Variants in NOCT observed in about 807,000 individuals in gnomAD.
The protein encoded by NOCT is nocturnin.
NOCT carries 18 observed loss-of-function variants against 35.0 expected under a neutral mutation model. That is an observed-to-expected ratio of 0.51 (90% confidence interval 0.36 to 0.76). NOCT has a LOEUF of 0.76. NOCT is among the 30% of genes least tolerant of loss of function. The pLI, the probability that NOCT is intolerant of heterozygous loss-of-function variation, is 0.01. For missense variants in NOCT, 479 were observed against 541.0 expected (o/e 0.89, Z 1.14); for synonymous variants, 235 against 226.3 (o/e 1.04, Z -0.34).
At chr4:139,042,185 A>T (rs58581769) in intron 1 of NOCT, among the ~76,000 whole-genome samples, 15,630 of 147,564 alleles carry the variant, frequency 0.11, 1,576 homozygotes, top group East Asian at 0.46. Context: ...CGCCTGCCTC[A>T]GCCTCCTGAG....
chr4:139,042,428 C>CT (rs1406908302), intron 1 of NOCT, among the ~76,000 whole-genome samples: 5 of 152,036 alleles, frequency 3.3e-5, no homozygotes, highest in Non-Finnish European at 7.4e-5. Context: ...AAGCCTTGCT[C>CT]TTTTTTTAAG....
rs184864849 is a variant in NOCT at position 139,045,413 on chromosome 4, C to T, written c.1235C>T (p.Ser412Leu). 6 of 1,613,698 alleles carry T rather than the reference C, an allele frequency of 3.7e-6. No individual in the cohort carries two copies. The highest frequency in any genetic ancestry group is 5.1e-6 in the Non-Finnish European group (6 of 1,179,778). ...AGGTTACCTTCCTTCAATTATCCTT[C>T]AGACCACCTGTCTCTAGTGTGTGAC... Reference protein sequence around the residue: ...PNRLPSFNYPSDHLSLVCDFS... With the variant: ...PNRLPSFNYPLDHLSLVCDFS... The change falls in exon 3 of 3, where the codon TCA becomes TTA. Residue 412 changes from serine (S) to leucine (L), a missense_variant. Coordinates refer to ENST00000280614, the MANE Select transcript of NOCT (RefSeq NM_012118.4).
At chr4:139,041,495 T>C (rs1205537778) in intron 1 of NOCT, among the ~76,000 whole-genome samples, 1 of 152,206 alleles carries the variant, frequency 6.6e-6, no homozygotes, top group African/African-American at 2.4e-5. Flanking sequence ...TAATTTATAC[T>C]ATAATGAAAA....
At chr4:139,042,934 A>G in intron 1 of NOCT, 140 bp from the exon 2 acceptor site, 1 of 710,284 alleles carries the variant, frequency 1.4e-6, no homozygotes, top group Non-Finnish European at 2.2e-6. Flanking sequence ...AAAAAAGAAA[A>G]AAGAAATGGC....
chr4:139,031,002 C>A (rs1726612969), intron 1 of NOCT, among the ~76,000 whole-genome samples: 1 of 152,132 alleles, frequency 6.6e-6, no homozygotes, highest in Admixed American at 6.6e-5. Flanking sequence ...TTTTGCCAGG[C>A]CACCGTTTCA....
intron 1 of NOCT, among the ~76,000 whole-genome samples, chr4:139,038,094 G>A (rs2148646445): frequency 6.6e-6 from 1 of 152,160 alleles, no homozygotes; most frequent in East Asian, 1.9e-4. Flanking sequence ...CAACTCCTCG[G>A]GAGGCTGAGG....
intron 2 of NOCT, chr4:139,043,565 T>C (rs1726877750): frequency 3.9e-6 from 2 of 517,078 alleles, no homozygotes; most frequent in Non-Finnish European, 6.9e-6. Context: ...TAATTGTTCT[T>C]GGATAGTCTA....
intron 1 of NOCT, among the ~76,000 whole-genome samples, chr4:139,029,437 G>A (rs1026774310): frequency 1.3e-5 from 2 of 152,180 alleles, no homozygotes; most frequent in East Asian, 3.8e-4. Flanking sequence ...GGAACCGCAG[G>A]CCGAACTTCC....
chr4:139,040,906 T>TA lies in NOCT; in HGVS notation c.191-2157dup, dbSNP rs796691356. On this transcript the variant is annotated intron_variant, in intron 1 of 2. Transcript: ENST00000280614. ...TTTTCCCCAAAAAACCTACAGGAAG[T>TA]AAAAAAAAAAAGTACAAGAAGAAAG... Among the ~76,000 whole-genome samples the TA allele has an allele frequency of 3.6e-3, 516 of 142,984 alleles. 2 individuals carry two copies. The highest frequency in any genetic ancestry group is 0.012 in the South Asian group (56 of 4,528). The allele number at this position is 142,984 out of a possible 152,430, so 93.8% of individuals were successfully genotyped here. A position where few individuals can be genotyped will look rare whatever the true frequency, so the allele number is the denominator to read the frequency against.
chr4:139,039,024 C>T (rs1290316182), intron 1 of NOCT, among the ~76,000 whole-genome samples: 1 of 152,072 alleles, frequency 6.6e-6, no homozygotes, highest in Middle Eastern at 3.2e-3. Flanking sequence ...CTTAACAACA[C>T]ATTTTTTAAA....
In NOCT at chr4:139,017,668, G is replaced by A. The variant is rs550639704; in HGVS notation, c.190+1497G>A. Among the ~76,000 whole-genome samples, 10 of 151,712 alleles carry A rather than the reference G, an allele frequency of 6.6e-5. No individual in the cohort carries two copies. The East Asian group carries it at 1.4e-3, about 21-fold the overall frequency. On this transcript the variant is annotated intron_variant, in intron 1 of 2. Transcript: ENST00000280614. ...AATGGGCTTGGGCGTGGTGGCACTC[G>A]CCTGTAATCCCAGCTACTCTGGAGG...
At chr4:139,031,549 T>C (rs1385810222) in intron 1 of NOCT, among the ~76,000 whole-genome samples, 2 of 152,082 alleles carry the variant, frequency 1.3e-5, no homozygotes, top group Non-Finnish European at 2.9e-5. Context: ...ATTCTAATTA[T>C]TGATGTGAAG....
At chr4:139,040,953 AGCCATG>A (rs1353673976) in intron 1 of NOCT, among the ~76,000 whole-genome samples, 5 of 151,824 alleles carry the variant, frequency 3.3e-5, no homozygotes, top group Admixed American at 6.6e-5. Flanking sequence ...TTGTACTGCC[AGCCATG>A]AAGAAAATTT....
intron 1 of NOCT, among the ~76,000 whole-genome samples, chr4:139,038,410 G>C (rs1054236700): frequency 6.6e-6 from 1 of 151,900 alleles, no homozygotes; most frequent in African/African-American, 2.4e-5. Context: ...GGCCAAATAA[G>C]GTAGATGACC....
intron 1 of NOCT, among the ~76,000 whole-genome samples, chr4:139,035,213 A>G (rs995364166): frequency 2.0e-5 from 3 of 151,942 alleles, no homozygotes; most frequent in Admixed American, 6.6e-5. Context: ...TGCAGCCTCA[A>G]TCTCCTGGGC....
rs560043848 is a variant in NOCT, at chr4:139,021,435, A to G, written c.190+5264A>G. ...GGAGTTCGAGACCAGCCTGACCAACATGGAGAAACCCCATTTCTACTAAAA... is the reference window on the plus strand; with the variant it reads ...GGAGTTCGAGACCAGCCTGACCAACGTGGAGAAACCCCATTTCTACTAAAA... On this transcript the variant is annotated intron_variant, in intron 1 of 2. Transcript: ENST00000280614. Among the ~76,000 whole-genome samples, 8 of 152,276 alleles carry G rather than the reference A, an allele frequency of 5.3e-5. No homozygotes were observed. The East Asian group carries it at 1.4e-3, about 26-fold the overall frequency.
chr4:139,026,640 T>C (rs549408951), intron 1 of NOCT, among the ~76,000 whole-genome samples: 1 of 151,936 alleles, frequency 6.6e-6, no homozygotes, highest in African/African-American at 2.4e-5. Context: ...AAACTCCACC[T>C]GCTGGGTTCA....
chr4:139,044,055 A>T (rs1268147379), intron 2 of NOCT, among the ~76,000 whole-genome samples: 6 of 150,408 alleles, frequency 4.0e-5, no homozygotes, highest in African/African-American at 1.5e-4. Context: ...CAAATTAAAA[A>T]ACAGATGTGT....
chr4:139,035,241 GC>G (rs1217202937), intron 1 of NOCT, among the ~76,000 whole-genome samples: 47 of 152,184 alleles, frequency 3.1e-4, no homozygotes, highest in African/African-American at 1.1e-3. Flanking sequence ...ACCCAGTTCA[GC>G]CTCCCGAATA....
Sources: gnomAD v4.1 joint callset for allele counts (sites outside exome capture counted in the v4.1 genomes callset) on GRCh38, gnomAD v4.1.1 for gene constraint, MANE v1.5 for transcripts, NCBI Gene and HGNC (gene_info 2026-07-23, HGNC 2026-07-21) for gene names.